The following ANKS1B variants were observed in gnomAD, a reference collection of about 807,000 sequenced individuals.
ANKS1B encodes ankyrin repeat and sterile alpha motif domain-containing protein 1B.
Under a neutral mutation model 148.3 loss-of-function variants are expected in ANKS1B, and 36 were observed. That is an observed-to-expected ratio of 0.24 (90% CI 0.19 to 0.32). ANKS1B has a LOEUF of 0.32. ANKS1B is among the 10% of genes least tolerant of loss of function. ANKS1B has a pLI of 1.00. For missense variants in ANKS1B, 1,157 were observed against 1,542.6 expected (o/e 0.75, Z 4.19); for synonymous variants, 542 against 560.8 (o/e 0.97, Z 0.47).
chr12:99,355,277 T>C (rs1002103818), intron 12 of ANKS1B, among the ~76,000 whole-genome samples: 3 of 152,008 alleles, frequency 2.0e-5, no homozygotes, highest in African/African-American at 7.2e-5. Context: ...TAAGTGGAGA[T>C]TGGGATAGTG....
At chr12:99,235,051 T>C (rs1305192607) in intron 14 of ANKS1B, among the ~76,000 whole-genome samples, 1 of 152,156 alleles carries the variant, frequency 6.6e-6, no homozygotes, top group Non-Finnish European at 1.5e-5. Flanking sequence ...CTTTGGGGAC[T>C]GAGTCTCCAC....
chr12:98,946,325 C>T (rs1455704537), intron 17 of ANKS1B, among the ~76,000 whole-genome samples: 2 of 152,204 alleles, frequency 1.3e-5, no homozygotes, highest in Non-Finnish European at 2.9e-5. Context: ...CCTGCACTCA[C>T]CTCTCCAGTT....
rs57197334 is a variant in ANKS1B at position 98,946,939 on chromosome 12, C to CAAA, written c.2778+106215_2778+106217dup. ...TGGGTGACAAAGCAAGATCTTTTCT[C>CAAA]AAAAAAAAAAAAAAAAAAAAAAAAA... On this transcript the variant is annotated intron_variant, in intron 17 of 26. Coordinates refer to ENST00000683438, the MANE Select transcript of ANKS1B (RefSeq NM_001352186.2). Among the ~76,000 whole-genome samples, 69 of 41,580 alleles carry CAAA rather than the reference C, an allele frequency of 1.7e-3. 2 individuals are homozygous for CAAA. Among genetic ancestry groups the CAAA allele is most frequent in the African/African-American group, 3.6e-3 (39 of 10,950 alleles). The allele number at this position is 41,580 out of a possible 152,430, so 27.3% of individuals were successfully genotyped here.
intron 12 of ANKS1B, among the ~76,000 whole-genome samples, chr12:99,323,691 T>C (rs1307069424): frequency 1.3e-5 from 2 of 152,222 alleles, no homozygotes; most frequent in African/African-American, 2.4e-5. Context: ...TTATTGAAAC[T>C]AAGCAAATTC....
At chr12:99,229,519 C>G (rs770050693) in intron 14 of ANKS1B, among the ~76,000 whole-genome samples, 15 of 151,898 alleles carry the variant, frequency 9.9e-5, no homozygotes, top group Non-Finnish European at 5.9e-5. Flanking sequence ...ATCAAAAACA[C>G]TAGTGGATGA....
At chr12:98,795,387 T>C (rs1344893896) in intron 22 of ANKS1B, among the ~76,000 whole-genome samples, 1 of 152,218 alleles carries the variant, frequency 6.6e-6, no homozygotes, top group Non-Finnish European at 1.5e-5. Context: ...ACCCTTCTGA[T>C]AGGTAGTTGT....
chr12:98,767,733 A>G lies in ANKS1B; in HGVS notation c.3579+5309T>C, dbSNP rs142215114. On this transcript the variant is annotated intron_variant, in intron 25 of 26. Coordinates refer to ENST00000683438, the MANE Select transcript of ANKS1B (RefSeq NM_001352186.2). ...ATACTCCCATGGAGAATGCATCAAA[A>G]TCTTTCTATGTTGACTTACATCAAC... Among the ~76,000 whole-genome samples the G allele has an allele frequency of 2.7e-3, 414 of 152,360 alleles. 1 individual carries two copies. The highest frequency in any genetic ancestry group is 9.4e-3 in the African/African-American group (392 of 41,584).
At chr12:99,867,369 A>G (rs1333399091) in intron 1 of ANKS1B, among the ~76,000 whole-genome samples, 3 of 152,130 alleles carry the variant, frequency 2.0e-5, no homozygotes, top group East Asian at 3.9e-4. Context: ...AATAACACCA[A>G]TTATATCAGT....
At chr12:99,431,559 T>A (rs2095370912) in intron 11 of ANKS1B, among the ~76,000 whole-genome samples, 1 of 152,142 alleles carries the variant, frequency 6.6e-6, no homozygotes, top group Non-Finnish European at 1.5e-5. Context: ...CTCTGAAAAA[T>A]CATTCAGTGA....
intron 12 of ANKS1B, among the ~76,000 whole-genome samples, chr12:99,294,484 A>G (rs756929600): frequency 6.6e-6 from 1 of 152,200 alleles, no homozygotes; most frequent in Non-Finnish European, 1.5e-5. Context: ...AGAACAATTG[A>G]ATCCACGGAG....
rs187872791 is a variant in ANKS1B, at chr12:99,238,821, G to A, written c.2419+5521C>T. Among the ~76,000 whole-genome samples, 881 of 152,262 alleles carry A rather than the reference G, an allele frequency of 5.8e-3. 5 individuals are homozygous for A. The highest frequency in any genetic ancestry group is 0.011 in the Admixed American group (165 of 15,292). On this transcript the variant is annotated intron_variant, in intron 14 of 26. Coordinates refer to ENST00000683438, the MANE Select transcript of ANKS1B (RefSeq NM_001352186.2). ...AACTCCAGCAGACCTGCAGCTGAGG[G>A]GCTTGACTGTTAGAAGGAAAACTAA...
intron 12 of ANKS1B, among the ~76,000 whole-genome samples, chr12:99,264,652 G>A (rs765681970): frequency 8.5e-5 from 13 of 152,198 alleles, no homozygotes; most frequent in Non-Finnish European, 2.9e-5. Flanking sequence ...CTCAAAACGA[G>A]CCTTCTCTTT....
intron 9 of ANKS1B, among the ~76,000 whole-genome samples, chr12:99,544,402 G>A (rs1277541506): frequency 6.6e-6 from 1 of 152,088 alleles, no homozygotes; most frequent in Non-Finnish European, 1.5e-5. Context: ...CCGGACTCTG[G>A]TTCCTATGCT....
intron 17 of ANKS1B, among the ~76,000 whole-genome samples, chr12:98,904,843 T>C (rs1030965332): frequency 1.4e-5 from 2 of 142,894 alleles, no homozygotes; most frequent in African/African-American, 5.2e-5. Context: ...AGGATTATTA[T>C]TATTATTTCA....
At chr12:98,762,780 T>C (rs1215033148) in intron 25 of ANKS1B, among the ~76,000 whole-genome samples, 1 of 152,204 alleles carries the variant, frequency 6.6e-6, no homozygotes, top group Non-Finnish European at 1.5e-5. Context: ...GTGGTATTTA[T>C]TATGATTTTC....
chr12:99,324,389 G>A (rs1407252401), intron 12 of ANKS1B, among the ~76,000 whole-genome samples: 1 of 152,120 alleles, frequency 6.6e-6, no homozygotes, highest in Non-Finnish European at 1.5e-5. Context: ...AACTCAGGCA[G>A]TCTGTAGTCA....
At chr12:99,596,616 TTC>T (rs1390235494) in intron 9 of ANKS1B, among the ~76,000 whole-genome samples, 8 of 151,946 alleles carry the variant, frequency 5.3e-5, no homozygotes, top group African/African-American at 1.9e-4. Context: ...AGCTGTAAAA[TTC>T]TGTGATTCCA....
At chr12:99,930,417 C>G (rs558066800) in intron 1 of ANKS1B, among the ~76,000 whole-genome samples, 54 of 152,290 alleles carry the variant, frequency 3.5e-4, no homozygotes, top group African/African-American at 1.1e-3. Flanking sequence ...ATGGGGTTTT[C>G]TAGATATACA....
intron 14 of ANKS1B, among the ~76,000 whole-genome samples, chr12:99,157,879 A>G (rs1374806636): frequency 6.6e-6 from 1 of 152,224 alleles, no homozygotes; most frequent in African/African-American, 2.4e-5. Context: ...TCAGACTGCT[A>G]TATAAGAACA....
Sources: gnomAD v4.1 joint callset for allele counts (sites outside exome capture counted in the v4.1 genomes callset) on GRCh38, gnomAD v4.1.1 for gene constraint, MANE v1.5 for transcripts, NCBI Gene and HGNC (gene_info 2026-07-23, HGNC 2026-07-21) for gene names.